Variants in USP28 observed in about 807,000 individuals in gnomAD.
The protein encoded by USP28 is ubiquitin specific peptidase 28, also known as ubiquitin carboxyl-terminal hydrolase 28.
USP28 carries 113 observed loss-of-function variants against 145.0 expected under a neutral mutation model. That is an observed-to-expected ratio of 0.78 (90% CI 0.67 to 0.91). The LOEUF (loss-of-function observed/expected upper bound fraction) is 0.91, where lower values mean the gene tolerates loss of function less well. USP28 is among the 40% of genes least tolerant of loss of function. The pLI is 0.00. For missense variants in USP28, 1,201 were observed against 1,289.6 expected, an observed-to-expected ratio of 0.93 and a Z score of 1.05; for synonymous variants, 447 against 450.9, an observed-to-expected ratio of 0.99 and a Z score of 0.11.
intron 1 of USP28, among the ~76,000 whole-genome samples, chr11:113,859,920 T>C (rs1369487182): frequency 6.6e-6 from 1 of 152,068 alleles, no homozygotes; most frequent in Non-Finnish European, 1.5e-5. Flanking sequence ...CACAAACCTT[T>C]ACCAGGAAGG....
At chr11:113,815,985 C>G (rs1330480928) in intron 13 of USP28, among the ~76,000 whole-genome samples, 1 of 151,968 alleles carries the variant, frequency 6.6e-6, no homozygotes, top group Non-Finnish European at 1.5e-5. Context: ...GCTAAATACC[C>G]AAGGAAAAAA....
intron 10 of USP28, among the ~76,000 whole-genome samples, chr11:113,827,748 T>C (rs1943541815): frequency 6.6e-6 from 1 of 150,648 alleles, no homozygotes; most frequent in Admixed American, 6.6e-5. Context: ...GAATATGAAA[T>C]TATGATCGAA....
rs1565356401 is a variant in USP28, at chr11:113,814,516, A to G, written c.1673-561T>C. On this transcript the variant is annotated intron_variant, in intron 14 of 24. Coordinates refer to ENST00000003302, the Ensembl canonical transcript of USP28. ...TTCAGTAAAGCATGCTTCCTATAGAAAAGACTGAAGAGTAGAAGTCCAGAA... is the reference window on the plus strand; with the variant it reads ...TTCAGTAAAGCATGCTTCCTATAGAGAAGACTGAAGAGTAGAAGTCCAGAA... 2.0e-5 allele frequency among the ~76,000 whole-genome samples: 3 copies of G among 152,182 alleles called. No homozygotes were observed. In the South Asian group the frequency reaches 6.2e-4, roughly 32 times the overall value.
chr11:113,844,197 T>C (rs1945547870), intron 3 of USP28, among the ~76,000 whole-genome samples: 1 of 151,996 alleles, frequency 6.6e-6, no homozygotes, highest in Admixed American at 6.6e-5. Context: ...TCCCAGCACT[T>C]TGGGAGGCCC....
At chr11:113,869,218 A>G (rs1948582570) in intron 1 of USP28, among the ~76,000 whole-genome samples, 1 of 152,180 alleles carries the variant, frequency 6.6e-6, no homozygotes, top group South Asian at 2.1e-4. Context: ...GGATCACCGG[A>G]GGTCAGGTGT....
intron 10 of USP28, among the ~76,000 whole-genome samples, chr11:113,828,061 A>C (rs531125428): frequency 1.3e-5 from 2 of 152,342 alleles, no homozygotes; most frequent in East Asian, 3.9e-4. Flanking sequence ...CAGGTGAGGA[A>C]AAGCTAAATC....
At chr11:113,814,677 AT>A (rs966233184) in intron 14 of USP28, among the ~76,000 whole-genome samples, 29 of 152,068 alleles carry the variant, frequency 1.9e-4, no homozygotes, top group African/African-American at 6.5e-4. Context: ...ATCTTTCCAT[AT>A]CTGTATAATG....
chr11:113,857,116 G>A (rs1947135529), intron 1 of USP28, among the ~76,000 whole-genome samples: 1 of 152,130 alleles, frequency 6.6e-6, no homozygotes, highest in Admixed American at 6.6e-5. Flanking sequence ...CGGCAGTCCT[G>A]GGAGACATAT....
At chr11:113,815,820 A>G (rs1445929867) in intron 13 of USP28, among the ~76,000 whole-genome samples, 1 of 152,224 alleles carries the variant, frequency 6.6e-6, no homozygotes, top group Non-Finnish European at 1.5e-5. Flanking sequence ...GAAGCCAACT[A>G]AAGTGACACT....
chr11:113,841,699 G>C (rs1945212404), exon 4 of USP28: 2 of 1,613,160 alleles, frequency 1.2e-6, no homozygotes, highest in Non-Finnish European at 1.7e-6. Flanking sequence ...AATTTTGGGA[G>C]ACTCCAGTAG....
At chr11:113,868,844 G>C (rs1167631888) in intron 1 of USP28, among the ~76,000 whole-genome samples, 1 of 150,770 alleles carries the variant, frequency 6.6e-6, no homozygotes, top group Non-Finnish European at 1.5e-5. Context: ...AATTGCTTGG[G>C]CCCAGGAGGT....
Position 113,863,946 on chromosome 11 carries a change from A to G in USP28, c.58-9611T>C, listed in dbSNP as rs1193318046. Among the ~76,000 whole-genome samples, 3 of 144,784 alleles carry G rather than the reference A, an allele frequency of 2.1e-5. No homozygotes were observed. In the South Asian group the frequency reaches 6.5e-4, roughly 31 times the overall value. 95.0% of individuals were successfully genotyped at this position (144,784 alleles called of 152,430 possible). On this transcript the variant is annotated intron_variant, in intron 1 of 24. Transcript: ENST00000003302. Reference sequence around the variant, plus strand: ...GGCGACACAGCGAGACTCCGTCTCGAAAAAAAAAATTGCTGGTCACGGTGG... The same window carrying G: ...GGCGACACAGCGAGACTCCGTCTCGGAAAAAAAAATTGCTGGTCACGGTGG...
chr11:113,815,477 G>C, intron 13 of USP28, 95 bp from the exon 14 acceptor site: 1 of 1,158,298 alleles, frequency 8.6e-7, no homozygotes, highest in Non-Finnish European at 1.2e-6. Flanking sequence ...ATATGAAAAA[G>C]TACAGGTATT....
At chr11:113,813,647 GA>G in intron 15 of USP28, 1 of 474,684 alleles carries the variant, frequency 2.1e-6, no homozygotes, top group African/African-American at 2.0e-5. Flanking sequence ...TCTACAATAT[GA>G]AAAAATTCCA....
intron 3 of USP28, among the ~76,000 whole-genome samples, chr11:113,842,413 G>A (rs1164943356): frequency 4.6e-5 from 7 of 151,824 alleles, no homozygotes; most frequent in African/African-American, 7.3e-5. Context: ...GTGAAACCCC[G>A]TCTCTACTAA....
At chr11:113,843,994 A>T (rs1591376908) in intron 3 of USP28, among the ~76,000 whole-genome samples, 1 of 152,326 alleles carries the variant, frequency 6.6e-6, no homozygotes, top group East Asian at 1.9e-4. Context: ...AGTCCTCAAG[A>T]TGAGAGCTAA....
exon 25 of USP28, chr11:113,798,694 C>T (rs1938388706): frequency 6.6e-6 from 1 of 152,640 alleles, no homozygotes; most frequent in Non-Finnish European, 1.5e-5. Flanking sequence ...CAACATCTCA[C>T]TGCCATGTGA....
intron 10 of USP28, among the ~76,000 whole-genome samples, chr11:113,828,094 T>C (rs778031779): frequency 3.9e-5 from 6 of 152,240 alleles, no homozygotes; most frequent in Non-Finnish European, 7.3e-5. Flanking sequence ...TCTATTCAAT[T>C]CACCTGTATG....
At chr11:113,837,879 T>G (rs371118387) in intron 5 of USP28, among the ~76,000 whole-genome samples, 6 of 152,342 alleles carry the variant, frequency 3.9e-5, no homozygotes, top group African/African-American at 1.4e-4. Context: ...TACTGTACTC[T>G]GGTGCCAACT....
Sources: allele counts gnomAD v4.1 joint callset (sites outside exome capture counted in the v4.1 genomes callset), GRCh38; gene constraint gnomAD v4.1.1; transcripts MANE v1.5; gene names NCBI Gene and HGNC (gene_info 2026-07-23, HGNC 2026-07-21).